The following ZNF530 variants were observed in gnomAD, a reference collection of about 807,000 sequenced individuals.
ZNF530 encodes the protein zinc finger protein 530.
ZNF530 carries 5 observed loss-of-function variants against 2.8 expected under a neutral mutation model. The ratio of observed to expected loss-of-function variants is 1.80; its 90% CI spans 0.94 to 3.78. The LOEUF is 3.78. Among genes scored for constraint, ZNF530 ranks in the 30% most tolerant of loss-of-function variants. The pLI is 0.00. For synonymous variants in ZNF530, 229 were observed against 235.0 expected, an observed-to-expected ratio of 0.97 and a Z score of 0.23; for missense variants, 619 against 673.3, an observed-to-expected ratio of 0.92 and a Z score of 0.89.
Position 57,607,008 on chromosome 19 carries a change from G to A in ZNF530, c.1384G>A (p.Val462Ile), listed in dbSNP as rs1980597505. 2 of 1,614,004 alleles carry A rather than the reference G, an allele frequency of 1.2e-6. No individual in the cohort carries two copies. Among genetic ancestry groups the A allele is most frequent in the Admixed American group, 1.7e-5 (1 of 59,968 alleles). ...HTGERPYECS[V>I]CGKSFIRKTH... is the part of the protein sequence containing the mutation. ...TGGAGAAAGGCCTTATGAGTGCAGT[G>A]TATGTGGGAAATCTTTTATCCGAAA... The change falls in exon 4 of 4, where the codon GTA (valine) becomes ATA (isoleucine). Residue 462 changes from valine to isoleucine, a missense_variant. Val to Ile is a conservative substitution (Grantham distance 29). Coordinates refer to ENST00000597700, the MANE Select transcript of ZNF530 (RefSeq NM_001321981.2).
downstream of ZNF530, among the ~76,000 whole-genome samples, chr19:57,610,861 G>A (rs1166510797): frequency 6.6e-6 from 1 of 152,068 alleles, no homozygotes; most frequent in African/African-American, 2.4e-5. Flanking sequence ...TTGTGAAATG[G>A]TCTGTTCAGG....
In ZNF530 at chr19:57,606,119, G is replaced by A. The variant is rs1328095986; in HGVS notation, c.495G>A (p.Arg165=). 2 of 1,614,184 alleles carry A rather than the reference G, an allele frequency of 1.2e-6. No homozygotes were observed. Residue 165 remains arginine, a synonymous_variant, in exon 4 of 4, where the codon AGG becomes AGA. Coordinates refer to ENST00000597700, the MANE Select transcript of ZNF530 (RefSeq NM_001321981.2). ...VTPTIERPHS[R]IRHLRVPTGR... is the part of the protein sequence containing the mutation. The stretch of plus-strand genomic sequence containing the variant: ...CCACCATTGAGAGACCACACAGCAG[G>A]ATTAGACACTTGAGAGTTCCCACTG...
Position 57,607,674 on chromosome 19 carries a change from C to G in ZNF530, c.*349C>G, listed in dbSNP as rs1980664982. The G allele has an allele frequency of 4.1e-6, 1 of 241,876 alleles. No individual in the cohort carries two copies. The highest frequency in any genetic ancestry group is 2.3e-5 in the African/African-American group (1 of 44,208). 15.0% of individuals were successfully genotyped at this position (241,876 alleles called of 1,614,324 possible). ...TTGTGACATTTAACACAAGATTTCC[C>G]AAAGAAGAAAGGCCTTATATATGCT... On this transcript the variant is annotated 3_prime_UTR_variant, in exon 4 of 4. Transcript: ENST00000597700.
At position 57,600,019 on chromosome 19, in the gene ZNF530, C is replaced by T; in HGVS notation, c.-237C>T. On this transcript the variant is annotated 5_prime_UTR_variant, in exon 1 of 4. Transcript: ENST00000597700. ...GTTTTCTCAGCTGCACAGCCGGGGCCTGACGGTCGCCGGCGGTGGTGACAG... is the reference window on the plus strand; with the variant it reads ...GTTTTCTCAGCTGCACAGCCGGGGCTTGACGGTCGCCGGCGGTGGTGACAG... The T allele has an allele frequency of 7.0e-7, 1 of 1,429,240 alleles. No individual in the cohort carries two copies. Among genetic ancestry groups the T allele is most frequent in the Non-Finnish European group, 9.4e-7 (1 of 1,064,728 alleles). The allele number at this position is 1,429,240 out of a possible 1,614,324, so 88.5% of individuals were successfully genotyped here. A position where few individuals can be genotyped will look rare whatever the true frequency, so the allele number is the denominator to read the frequency against.
In ZNF530 at chr19:57,600,068, T is replaced by C; in HGVS notation, c.-188T>C. On this transcript the variant is annotated 5_prime_UTR_variant, in exon 1 of 4. Transcript: ENST00000597700. Reference sequence around the variant, plus strand: ...AGCTTTGCTCTTGTCTCCGCCCGGATCGTCCACCGCTCCCGGCCCGCTCCG... The same window carrying C: ...AGCTTTGCTCTTGTCTCCGCCCGGACCGTCCACCGCTCCCGGCCCGCTCCG... The C allele has an allele frequency of 6.6e-7, 1 of 1,519,038 alleles. No homozygotes were observed. The highest frequency in any genetic ancestry group is 8.9e-7 in the Non-Finnish European group (1 of 1,123,350). The allele number at this position is 1,519,038 out of a possible 1,614,324, so 94.1% of individuals were successfully genotyped here. A position where few individuals can be genotyped will look rare whatever the true frequency, so the allele number is the denominator to read the frequency against.
intron 3 of ZNF530, chr19:57,605,399 ACCGAAGT>A: frequency 3.1e-6 from 1 of 323,286 alleles, no homozygotes; most frequent in Non-Finnish European, 5.7e-6. Flanking sequence ...TGTGCAGTGT[ACCGAAGT>A]CCTCTCTTCT....
In ZNF530 at chr19:57,607,197, C is replaced by T. The variant is rs963964427; in HGVS notation, c.1573C>T (p.Arg525Cys). 2.6e-5 allele frequency: 42 copies of T among 1,613,100 alleles called. No individual in the cohort carries two copies. Among genetic ancestry groups the T allele is most frequent in the Middle Eastern group, 1.6e-4 (1 of 6,082 alleles). ...ECRECGKSFT[R>C]KNHLIQHKTV... ...CAGAGAATGTGGGAAATCTTTTACCCGCAAAAATCACCTCATTCAACACAA... is the reference window on the plus strand; with the variant it reads ...CAGAGAATGTGGGAAATCTTTTACCTGCAAAAATCACCTCATTCAACACAA... The change falls in exon 4 of 4, where the codon CGC (arginine) becomes TGC (cysteine). Residue 525 changes from arginine (R) to cysteine (C), a missense_variant. By Grantham distance (180) the Arg-to-Cys change is radical. Coordinates refer to ENST00000597700, the MANE Select transcript of ZNF530 (RefSeq NM_001321981.2).
At chr19:57,602,152 G>C (rs1054837927) in intron 2 of ZNF530, among the ~76,000 whole-genome samples, 1 of 152,236 alleles carries the variant, frequency 6.6e-6, no homozygotes, top group African/African-American at 2.4e-5. Flanking sequence ...GGTGCCTCTA[G>C]ATTCACTTAT....
At chr19:57,610,105 G>A (rs1980814694), downstream of ZNF530, among the ~76,000 whole-genome samples, 1 of 152,094 alleles carries the variant, frequency 6.6e-6, no homozygotes, top group South Asian at 2.1e-4. Context: ...TGTACAACTT[G>A]ATAAGTTCTG....
At chr19:57,601,928 T>C (rs1281359389) in intron 2 of ZNF530, among the ~76,000 whole-genome samples, 1 of 152,206 alleles carries the variant, frequency 6.6e-6, no homozygotes, top group African/African-American at 2.4e-5. Flanking sequence ...ACTATGCCAT[T>C]CATGAGGGAT....
intron 2 of ZNF530, among the ~76,000 whole-genome samples, chr19:57,601,925 C>T (rs1193944339): frequency 6.6e-6 from 1 of 152,198 alleles, no homozygotes; most frequent in African/African-American, 2.4e-5. Flanking sequence ...GATACTATGC[C>T]ATTCATGAGG....
chr19:57,610,761 C>T (rs1980846529), downstream of ZNF530, among the ~76,000 whole-genome samples: 1 of 152,150 alleles, frequency 6.6e-6, no homozygotes, highest in African/African-American at 2.4e-5. Flanking sequence ...AGCTTAAAAC[C>T]TTGCCTGAAT....
rs1411584948 is a variant in ZNF530 at position 57,599,941 on chromosome 19, C to T, written c.-315C>T. The stretch of plus-strand genomic sequence containing the variant: ...CTTTGGCTTGTGTCAGTTCCATCCG[C>T]GGGTGCCGGATCTGGACCTAGGTGC... On this transcript the variant is annotated 5_prime_UTR_variant, in exon 1 of 4. Coordinates refer to ENST00000597700, the MANE Select transcript of ZNF530 (RefSeq NM_001321981.2). 20 of 725,202 alleles carry T rather than the reference C, an allele frequency of 2.8e-5. No individual in the cohort carries two copies. Among genetic ancestry groups the T allele is most frequent in the Non-Finnish European group, 4.0e-5 (19 of 471,474 alleles). The allele number at this position is 725,202 out of a possible 1,614,324, so 44.9% of individuals were successfully genotyped here.
intron 1 of ZNF530, among the ~76,000 whole-genome samples, 157 bp from the exon 2 acceptor site, chr19:57,600,571 G>A (rs976521805): frequency 6.6e-6 from 1 of 152,212 alleles, no homozygotes; most frequent in Non-Finnish European, 1.5e-5. Context: ...GTCTTTTTAC[G>A]AGGTCACAAA....
Position 57,605,853 on chromosome 19 carries a change from C to G in ZNF530, c.229C>G (p.His77Asp). 1.2e-6 allele frequency: 2 copies of G among 1,614,196 alleles called. No homozygotes were observed. Among genetic ancestry groups the G allele is most frequent in the East Asian group, 2.2e-5 (1 of 44,874 alleles). The change falls in exon 4 of 4, where the codon CAT (histidine) becomes GAT (aspartate). Residue 77 changes from histidine to aspartate, a missense_variant. Coordinates refer to ENST00000597700, the MANE Select transcript of ZNF530 (RefSeq NM_001321981.2). ...LRDILQMIEL[H>D]ASPCGQKLYL... ...AGACATTTTACAAATGATTGAGCTC[C>G]ATGCCTCACCCTGTGGACAGAAATT...
At chr19:57,611,751 G>A (rs529501565), downstream of ZNF530, among the ~76,000 whole-genome samples, 3 of 151,988 alleles carry the variant, frequency 2.0e-5, no homozygotes, top group African/African-American at 4.8e-5. Context: ...CACCCAATGA[G>A]AGCTGGACAT....
At chr19:57,610,656 A>G (rs1159155598), downstream of ZNF530, among the ~76,000 whole-genome samples, 1 of 152,066 alleles carries the variant, frequency 6.6e-6, no homozygotes, top group Non-Finnish European at 1.5e-5. Flanking sequence ...TCCTCAGGAA[A>G]CAGGGAGGAA....
At chr19:57,611,245 T>C (rs372473514), downstream of ZNF530, among the ~76,000 whole-genome samples, 1 of 151,412 alleles carries the variant, frequency 6.6e-6, no homozygotes, top group Admixed American at 6.6e-5. Flanking sequence ...CCAAGGCAAG[T>C]TTTTTTTAGC....
At chr19:57,603,759 G>A (rs1980361557) in intron 2 of ZNF530, among the ~76,000 whole-genome samples, 1 of 152,222 alleles carries the variant, frequency 6.6e-6, no homozygotes, top group Non-Finnish European at 1.5e-5. Flanking sequence ...GACCATCATA[G>A]GTCTGGGTAG....
Sources: gnomAD v4.1 joint callset for allele counts (sites outside exome capture counted in the v4.1 genomes callset) on GRCh38, gnomAD v4.1.1 for gene constraint, MANE v1.5 for transcripts, NCBI Gene and HGNC (gene_info 2026-07-23, HGNC 2026-07-21) for gene names.